The following METTL14 variants were observed in gnomAD, a reference collection of about 807,000 sequenced individuals.
The protein encoded by METTL14 is methyltransferase 14, N6-adenosine-methyltransferase non-catalytic subunit.
METTL14 carries 32 observed loss-of-function variants against 62.4 expected under a neutral mutation model. The observed-to-expected ratio is 0.51, with a 90% CI of 0.39 to 0.69. METTL14 has a LOEUF of 0.69. METTL14 is among the 30% of genes least tolerant of loss of function. The probability of loss-of-function intolerance (pLI) is 0.00; values close to 1 mark genes in which losing one functional copy is unlikely to be tolerated. For missense variants in METTL14, 340 were observed against 551.9 expected, an observed-to-expected ratio of 0.62 and a Z score of 3.85; for synonymous variants, 150 against 180.0, an observed-to-expected ratio of 0.83 and a Z score of 1.34.
intron 1 of METTL14, among the ~76,000 whole-genome samples, chr4:118,685,862 C>CAAAGT (rs1724039104): frequency 6.6e-6 from 1 of 152,146 alleles, no homozygotes; most frequent in Non-Finnish European, 1.5e-5. Flanking sequence ...GGAACTCCCA[C>CAAAGT]CGAGTGTCTG....
rs1218368263 is a variant in METTL14 at position 118,710,019 on chromosome 4, C to T, written c.1088C>T (p.Thr363Met). Residue 363 changes from threonine to methionine, a missense_variant, in exon 11 of 11, where the codon ACG becomes ATG. Around this residue, in one of 7 missense-constraint regions of METTL14, gnomAD observed 62 missense variants for 82.3 expected, o/e 0.75. Coordinates refer to ENST00000388822, the MANE Select transcript of METTL14 (RefSeq NM_020961.4). ...IRPGWLTVGP[T>M]LTNSNYNAET... ...TCAGGCTGGCTCACAGTTGGACCAA[C>T]GCTTACAAATAGCAACTACAATGCA... The T allele has an allele frequency of 5.6e-6, 9 of 1,611,122 alleles. No homozygotes were observed. The highest frequency in any genetic ancestry group is 1.1e-5 in the South Asian group (1 of 90,576).
Position 118,698,831 on chromosome 4 carries a change from C to T in METTL14, c.645+1508C>T, listed in dbSNP as rs929816940. Reference sequence around the variant, plus strand: ...TAAAATATGAAACTCTAAGGACAGGCAGATCTGGTTTCAAAATACATATTT... The same window carrying T: ...TAAAATATGAAACTCTAAGGACAGGTAGATCTGGTTTCAAAATACATATTT... On this transcript the variant is annotated intron_variant, in intron 7 of 10. Coordinates refer to ENST00000388822, the MANE Select transcript of METTL14 (RefSeq NM_020961.4). 7.0e-4 allele frequency among the ~76,000 whole-genome samples: 107 copies of T among 152,144 alleles called. 1 individual carries two copies. The highest frequency in any genetic ancestry group is 2.5e-3 in the African/African-American group (104 of 41,508).
Position 118,701,568 on chromosome 4 carries a change from A to T in METTL14, c.738+926A>T, listed in dbSNP as rs550368690. Among the ~76,000 whole-genome samples, 5 of 152,328 alleles carry T rather than the reference A, an allele frequency of 3.3e-5. No individual in the cohort carries two copies. In the South Asian group the frequency reaches 1.0e-3, roughly 32 times the overall value. On this transcript the variant is annotated intron_variant, in intron 8 of 10. Transcript: ENST00000388822. ...AACAACAGTATTATGACTAGGTATC[A>T]GGAGTCTTAATTTTGCTCTCAATTC... is the stretch of plus-strand genomic sequence containing the variant.
intron 8 of METTL14, among the ~76,000 whole-genome samples, chr4:118,703,328 T>C (rs570181752): frequency 2.6e-5 from 4 of 152,220 alleles, no homozygotes; most frequent in Non-Finnish European, 4.4e-5. Context: ...ATTTGTTTTA[T>C]GTTAATGTAT....
At position 118,694,432 on chromosome 4, in the gene METTL14, T is replaced by G. The variant is rs762307107; in HGVS notation, c.413-4T>G. On this transcript the variant is annotated splice_polypyrimidine_tract_variant and splice_region_variant and intron_variant, in intron 5 of 10. Transcript: ENST00000388822. Reference sequence around the variant, plus strand: ...ATTCAGAATTTACTATTTTTTCTGCTCAGGTTTAGCTGACAGATTTGAAGA... The same window carrying G: ...ATTCAGAATTTACTATTTTTTCTGCGCAGGTTTAGCTGACAGATTTGAAGA... 1 of 1,605,508 alleles carries G rather than the reference T, an allele frequency of 6.2e-7. No homozygotes were observed. The highest frequency in any genetic ancestry group is 8.5e-7 in the Non-Finnish European group (1 of 1,176,926).
At chr4:118,702,340 A>C (rs1045178489) in intron 8 of METTL14, among the ~76,000 whole-genome samples, 1 of 152,160 alleles carries the variant, frequency 6.6e-6, no homozygotes, top group South Asian at 2.1e-4. Flanking sequence ...AAAATAATTC[A>C]GCATGAGAAA....
intron 5 of METTL14, among the ~76,000 whole-genome samples, chr4:118,693,860 T>C (rs535576159): frequency 6.6e-6 from 1 of 152,242 alleles, no homozygotes; most frequent in South Asian, 2.1e-4. Flanking sequence ...CTGAGGAAGC[T>C]TTACAAAATC....
chr4:118,698,570 G>T (rs1560880928), intron 7 of METTL14, among the ~76,000 whole-genome samples: 2 of 152,076 alleles, frequency 1.3e-5, no homozygotes, highest in South Asian at 2.1e-4. Flanking sequence ...AGTAGGAATG[G>T]AAAGAAGGTG....
At chr4:118,697,016 A>G (rs1360389080) in intron 6 of METTL14, among the ~76,000 whole-genome samples, 166 bp from the exon 7 acceptor site, 1 of 152,184 alleles carries the variant, frequency 6.6e-6, no homozygotes, top group East Asian at 1.9e-4. Flanking sequence ...ACTCAATAAA[A>G]AGGCCTTTAG....
intron 7 of METTL14, 88 bp from the exon 8 acceptor site, chr4:118,700,462 C>T: frequency 9.9e-7 from 1 of 1,007,986 alleles, no homozygotes; most frequent in Non-Finnish European, 1.5e-6. Flanking sequence ...ACACATCTAT[C>T]CTAATAAATC....
chr4:118,701,218 C>T (rs1724581002), intron 8 of METTL14, among the ~76,000 whole-genome samples: 1 of 143,280 alleles, frequency 7.0e-6, no homozygotes, highest in Non-Finnish European at 1.5e-5. Flanking sequence ...GGTACCAACT[C>T]TGTTGCCCAG....
intron 4 of METTL14, 27 bp from the exon 5 acceptor site, chr4:118,691,954 C>A: frequency 1.4e-6 from 2 of 1,479,934 alleles, no homozygotes; most frequent in East Asian, 2.3e-5. Flanking sequence ...ATGCATGTTA[C>A]AAATTTAATT....
chr4:118,697,748 C>G (rs1724456933), intron 7 of METTL14, among the ~76,000 whole-genome samples: 2 of 152,098 alleles, frequency 1.3e-5, no homozygotes, highest in African/African-American at 4.8e-5. Flanking sequence ...GATAAACACC[C>G]TGTATGGACA....
At position 118,702,971 on chromosome 4, in the gene METTL14, A is replaced by ATTG. The variant is rs1553981945; in HGVS notation, c.739-962_739-961insGTT. 3.9e-3 allele frequency among the ~76,000 whole-genome samples: 565 copies of ATTG among 144,894 alleles called. 4 individuals are homozygous for ATTG. Among genetic ancestry groups the ATTG allele is most frequent in the African/African-American group, 0.014 (541 of 39,740 alleles). On this transcript the variant is annotated intron_variant, in intron 8 of 10. Coordinates refer to ENST00000388822, the MANE Select transcript of METTL14 (RefSeq NM_020961.4). ...TATTATTATTATTATTATTATTATT[A>ATTG]TTATTATACTTTAAGTTCTGGGATA...
intron 7 of METTL14, among the ~76,000 whole-genome samples, chr4:118,698,452 CAAAAA>C (rs70941202): frequency 2.9e-4 from 22 of 76,618 alleles, no homozygotes; most frequent in African/African-American, 1.2e-3. Flanking sequence ...GACTCTGTCT[CAAAAA>C]AAAAAAAAAA....
chr4:118,713,725 T>G lies in METTL14; in HGVS notation c.*3423T>G, dbSNP rs1446251129. The G allele has an allele frequency of 6.6e-6, 1 of 150,958 alleles. No individual in the cohort carries two copies. Among genetic ancestry groups the G allele is most frequent in the African/African-American group, 2.5e-5 (1 of 40,290 alleles). The allele number at this position is 150,958 out of a possible 1,614,324, so 9.4% of individuals were successfully genotyped here. A position where few individuals can be genotyped will look rare whatever the true frequency, so the allele number is the denominator to read the frequency against. Reference sequence around the variant, plus strand: ...GGTAATAGAGGCTGAACTTTTCTTGTGTATATATAGTTAGTTTTGAGGCCA... The same window carrying G: ...GGTAATAGAGGCTGAACTTTTCTTGGGTATATATAGTTAGTTTTGAGGCCA... On this transcript the variant is annotated 3_prime_UTR_variant, in exon 11 of 11. Coordinates refer to ENST00000388822, the MANE Select transcript of METTL14 (RefSeq NM_020961.4).
At chr4:118,688,303 G>A (rs1385775304) in intron 2 of METTL14, among the ~76,000 whole-genome samples, 1 of 152,100 alleles carries the variant, frequency 6.6e-6, no homozygotes, top group Non-Finnish European at 1.5e-5. Flanking sequence ...CAGACATGGT[G>A]GCGGGCTCCT....
intron 6 of METTL14, among the ~76,000 whole-genome samples, chr4:118,695,351 C>T (rs565016026): frequency 1.3e-5 from 2 of 151,810 alleles, no homozygotes; most frequent in East Asian, 3.9e-4. Context: ...GAGTTTGAGA[C>T]CAGCCTGCCC....
chr4:118,710,936 G>T lies in METTL14; in HGVS notation c.*634G>T, dbSNP rs1215684659. On this transcript the variant is annotated 3_prime_UTR_variant, in exon 11 of 11. Transcript: ENST00000388822. Reference sequence around the variant, plus strand: ...AGGCAGACTTAAAAAAAAAAAAAAAGTTTATCATCATAATCTCAATTTTGT... The same window carrying T: ...AGGCAGACTTAAAAAAAAAAAAAAATTTTATCATCATAATCTCAATTTTGT... The T allele has an allele frequency of 6.7e-6, 1 of 149,938 alleles. No individual in the cohort carries two copies. The highest frequency in any genetic ancestry group is 1.5e-5 in the Non-Finnish European group (1 of 67,570). The allele number at this position is 149,938 out of a possible 1,614,324, so 9.3% of individuals were successfully genotyped here.
Sources: allele counts gnomAD v4.1 joint callset (sites outside exome capture counted in the v4.1 genomes callset), GRCh38; gene constraint gnomAD v4.1.1; regional missense constraint gnomAD v4.1.1; transcripts MANE v1.5; gene names NCBI Gene and HGNC (gene_info 2026-07-23, HGNC 2026-07-21).